The following TOX variants were observed in gnomAD, a reference collection of about 807,000 sequenced individuals.
TOX encodes the protein thymocyte selection associated high mobility group box.
In TOX, 11 loss-of-function variants were observed where a neutral mutation model predicts 53.7. The observed-to-expected ratio is 0.20, with a 90% CI of 0.13 to 0.34. The LOEUF is 0.34. Ranked by LOEUF, TOX falls within the 10% of genes least tolerant of loss-of-function variation. The pLI is 1.00. For synonymous variants in TOX, 225 were observed against 245.3 expected (o/e 0.92, Z 0.77); for missense variants, 570 against 664.6 (o/e 0.86, Z 1.56).
chr8:58,866,796 C>T (rs1811111166), intron 3 of TOX, among the ~76,000 whole-genome samples: 1 of 152,178 alleles, frequency 6.6e-6, no homozygotes, highest in Admixed American at 6.5e-5. Context: ...ATATTTCTTA[C>T]AAGTTATGAG....
In TOX at chr8:59,108,883, A is replaced by G. The variant is rs577819900; in HGVS notation, c.102+10003T>C. On this transcript the variant is annotated intron_variant, in intron 1 of 8. Coordinates refer to ENST00000361421, the MANE Select transcript of TOX (RefSeq NM_014729.3). ...ATAAATTGTTGTCTACCTAATTTTA[A>G]TGCAGATAAGTGCTGGCTTATTGAT... Among the ~76,000 whole-genome samples, 7 of 152,280 alleles carry G rather than the reference A, an allele frequency of 4.6e-5. No individual in the cohort carries two copies. In the East Asian group the frequency reaches 1.3e-3, roughly 29 times the overall value.
At chr8:59,054,782 G>A (rs915119847) in intron 1 of TOX, among the ~76,000 whole-genome samples, 1 of 129,894 alleles carries the variant, frequency 7.7e-6, no homozygotes, top group South Asian at 2.3e-4. Context: ...GATAAAGGAA[G>A]AAAAAGAAAG....
intron 3 of TOX, among the ~76,000 whole-genome samples, chr8:58,935,805 T>C (rs951616976): frequency 6.6e-6 from 1 of 152,232 alleles, no homozygotes; most frequent in Non-Finnish European, 1.5e-5. Flanking sequence ...TACAAGGAAG[T>C]GTGATGAGCA....
intron 1 of TOX, among the ~76,000 whole-genome samples, chr8:59,107,681 C>T (rs918847477): frequency 2.4e-4 from 37 of 152,284 alleles, no homozygotes; most frequent in African/African-American, 8.9e-4. Context: ...GTTGGGGACT[C>T]CAGCAGTGGG....
chr8:58,953,222 G>A (rs1215455663), intron 2 of TOX, among the ~76,000 whole-genome samples: 1 of 152,160 alleles, frequency 6.6e-6, no homozygotes, highest in Non-Finnish European at 1.5e-5. Context: ...AAAGGCCAAT[G>A]TGTGTTTGAC....
At chr8:59,048,958 GA>G (rs1167397551) in intron 1 of TOX, among the ~76,000 whole-genome samples, 2 of 151,794 alleles carry the variant, frequency 1.3e-5, no homozygotes, top group Non-Finnish European at 2.9e-5. Flanking sequence ...ATGTATTTTC[GA>G]AAAAATGTTC....
intron 1 of TOX, among the ~76,000 whole-genome samples, chr8:59,008,193 G>C (rs1563416530): frequency 6.6e-6 from 1 of 152,198 alleles, no homozygotes; most frequent in Non-Finnish European, 1.5e-5. Context: ...CAAATGATCT[G>C]TGTGTTTGCT....
chr8:58,915,668 G>A (rs1812005388), intron 3 of TOX, among the ~76,000 whole-genome samples: 1 of 150,206 alleles, frequency 6.7e-6, no homozygotes, highest in South Asian at 2.1e-4. Context: ...AAGGAACGCA[G>A]TTCCTCACCA....
rs777658189 is a variant in TOX, at chr8:58,815,537, G to A, written c.1193C>T (p.Pro398Leu). 2 of 1,614,126 alleles carry A rather than the reference G, an allele frequency of 1.2e-6. No homozygotes were observed. The highest frequency in any genetic ancestry group is 1.1e-5 in the South Asian group (1 of 91,076). Residue 398 changes from proline (P) to leucine (L), a missense_variant, in exon 7 of 9, where the codon CCC (proline) becomes CTC (leucine). Pro to Leu is a moderately conservative substitution (Grantham distance 98, BLOSUM62 -3). This residue lies in a region of TOX where 239 missense variants were observed against 250.7 expected (regional missense o/e 0.95). Coordinates refer to ENST00000361421, the MANE Select transcript of TOX (RefSeq NM_014729.3). The part of the protein sequence containing the change: ...MHPSLPRNIA[P>L]KPNNQMPVTV... ...CACTGGCATTTGGTTATTCGGCTTG[G>A]GGGCTATGTTCCTGGGGAGACTAGG...
chr8:59,063,193 AT>A (rs1804019155), intron 1 of TOX, among the ~76,000 whole-genome samples: 1 of 152,206 alleles, frequency 6.6e-6, no homozygotes, highest in African/African-American at 2.4e-5. Context: ...AAGAATCTCA[AT>A]CAAACATTGC....
chr8:58,820,549 C>A (rs1810257202), intron 6 of TOX, among the ~76,000 whole-genome samples: 1 of 152,128 alleles, frequency 6.6e-6, no homozygotes, highest in South Asian at 2.1e-4. Flanking sequence ...GCCTGTGAGA[C>A]ACTGTTTTAC....
Position 59,022,345 on chromosome 8 carries a change from A to G in TOX, c.103-62337T>C, listed in dbSNP as rs186645899. ...GAGGATCAGTGTAGAAAACCCAACC[A>G]AAGACTCCGACATGTTCTATGTGAG... On this transcript the variant is annotated intron_variant, in intron 1 of 8. Coordinates refer to ENST00000361421, the MANE Select transcript of TOX (RefSeq NM_014729.3). Among the ~76,000 whole-genome samples the G allele has an allele frequency of 3.9e-5, 6 of 152,258 alleles. No individual in the cohort carries two copies. In the East Asian group the frequency reaches 1.2e-3, roughly 29 times the overall value.
chr8:59,015,572 G>A (rs1041536881), intron 1 of TOX, among the ~76,000 whole-genome samples: 20 of 152,118 alleles, frequency 1.3e-4, no homozygotes, highest in Admixed American at 2.0e-4. Flanking sequence ...TTGCAATTTC[G>A]TAATTACGAT....
intron 3 of TOX, among the ~76,000 whole-genome samples, chr8:58,888,075 T>C (rs1157740663): frequency 6.6e-6 from 1 of 152,056 alleles, no homozygotes; most frequent in African/African-American, 2.4e-5. Context: ...TAGGCAACTG[T>C]TACACCATGG....
At chr8:58,829,399 G>C (rs1810416308) in intron 5 of TOX, among the ~76,000 whole-genome samples, 1 of 152,108 alleles carries the variant, frequency 6.6e-6, no homozygotes, top group South Asian at 2.1e-4. Flanking sequence ...TTGATGATTG[G>C]CTATGTGGGA....
intron 3 of TOX, among the ~76,000 whole-genome samples, chr8:58,878,875 AC>A (rs377118716): frequency 1.1e-3 from 169 of 152,152 alleles, no homozygotes; most frequent in African/African-American, 3.8e-3. Context: ...AGCCCAGCCA[AC>A]ATGGTGAAAC....
intron 5 of TOX, among the ~76,000 whole-genome samples, chr8:58,836,492 G>A (rs779173620): frequency 1.3e-5 from 2 of 152,152 alleles, no homozygotes; most frequent in South Asian, 4.1e-4. Flanking sequence ...TTGGTGGTGT[G>A]TTTCCTGTTC....
At chr8:58,979,641 A>G (rs1813163941) in intron 1 of TOX, among the ~76,000 whole-genome samples, 1 of 152,208 alleles carries the variant, frequency 6.6e-6, no homozygotes, top group South Asian at 2.1e-4. Context: ...TATTGATGAT[A>G]TAAAGGGAAA....
rs150893499 is a variant in TOX, at chr8:58,879,261, G to A, written c.412-27456C>T. The stretch of plus-strand genomic sequence containing the variant: ...ATTAGACTACTGGCATGATAGCTAA[G>A]AATTTCTGTGTTTCTATGGCAATCT... On this transcript the variant is annotated intron_variant, in intron 3 of 8. Coordinates refer to ENST00000361421, the MANE Select transcript of TOX (RefSeq NM_014729.3). Among the ~76,000 whole-genome samples the A allele has an allele frequency of 9.4e-3, 1,433 of 152,242 alleles. 15 individuals are homozygous for A. Among genetic ancestry groups the A allele is most frequent in the Admixed American group, 0.015 (224 of 15,292 alleles).
Sources: allele counts gnomAD v4.1 joint callset (sites outside exome capture counted in the v4.1 genomes callset), GRCh38; gene constraint gnomAD v4.1.1; regional missense constraint gnomAD v4.1.1; transcripts MANE v1.5; gene names NCBI Gene and HGNC (gene_info 2026-07-23, HGNC 2026-07-21).